Variants in TNS1 observed in about 807,000 individuals in gnomAD.
TNS1 encodes tensin 1, also known as tensin-1.
TNS1 carries 62 observed loss-of-function variants against 168.6 expected under a neutral mutation model. The observed-to-expected ratio is 0.37, with a 90% CI of 0.30 to 0.45. The LOEUF is 0.45. Ranked by LOEUF, TNS1 falls within the 20% of genes least tolerant of loss-of-function variation. The pLI is 1.00. For missense variants in TNS1, 2,240 were observed against 2,339.4 expected (o/e 0.96, Z 0.88); for synonymous variants, 934 against 933.2 (o/e 1.00, Z -0.02).
upstream of TNS1, among the ~76,000 whole-genome samples, chr2:218,014,870 C>A (rs9678338): frequency 7.9e-3 from 774 of 98,002 alleles, 13 homozygotes; most frequent in African/African-American, 0.018. Flanking sequence ...GAAGGAAGGA[C>A]GGAAGGAAGG....
intron 23 of TNS1, among the ~76,000 whole-genome samples, chr2:217,819,980 C>G (rs1442224373): frequency 1.3e-5 from 2 of 152,144 alleles, no homozygotes; most frequent in Non-Finnish European, 2.9e-5. Flanking sequence ...TGGGGGTGTG[C>G]TCTTGGGCCA....
At chr2:217,845,014 G>A (rs963608361) in intron 19 of TNS1, among the ~76,000 whole-genome samples, 19 of 152,194 alleles carry the variant, frequency 1.2e-4, no homozygotes, top group African/African-American at 4.3e-4. Context: ...ATGCTCCACA[G>A]GAAAGTGTGA....
chr2:217,850,943 C>T (rs982042238), intron 18 of TNS1, among the ~76,000 whole-genome samples: 1 of 152,154 alleles, frequency 6.6e-6, no homozygotes, highest in East Asian at 1.9e-4. Context: ...TCCTCTCTAG[C>T]CATCGCCTCC....
intron 32 of TNS1, among the ~76,000 whole-genome samples, chr2:217,805,532 C>T (rs1938582303): frequency 1.5e-5 from 1 of 68,514 alleles, no homozygotes; most frequent in African/African-American, 5.2e-5. Context: ...ACACCACACA[C>T]ACCACACACA....
chr2:218,022,720 G>A (rs1315448606), intron 1 of TNS1, among the ~76,000 whole-genome samples: 1 of 151,680 alleles, frequency 6.6e-6, no homozygotes, highest in African/African-American at 2.4e-5. Flanking sequence ...GAAGCAACAT[G>A]GAGGCCATTC....
chr2:217,960,913 C>T (rs1435755639), intron 3 of TNS1, among the ~76,000 whole-genome samples: 2 of 152,178 alleles, frequency 1.3e-5, no homozygotes, highest in Non-Finnish European at 2.9e-5. Flanking sequence ...ACGAACCACT[C>T]TGAGCCTCAG....
Position 217,995,521 on chromosome 2 carries a change from T to TC in TNS1, c.34-4466dup, listed in dbSNP as rs1294046478. On this transcript the variant is annotated intron_variant, in intron 1 of 32. Transcript: ENST00000682258. The surrounding 1 kb of genome is among the most constrained non-coding windows in gnomAD (Gnocchi z 4.1). ...GGGGTGCCTGGTACCTACCCAGCCC[T>TC]CCCCCCGGGTTGTTCTGCAGGTACA... Among the ~76,000 whole-genome samples, 1 of 151,588 alleles carries TC rather than the reference T, an allele frequency of 6.6e-6. No homozygotes were observed. The highest frequency in any genetic ancestry group is 2.4e-5 in the African/African-American group (1 of 41,232).
In TNS1 at chr2:218,002,863, T is replaced by A. The variant is rs886107675; in HGVS notation, c.10A>T (p.Ile4Phe). MTW[I>F]CLSCMLWPED... ...ACCCAGAGCATGCAGGACAGACAGA[T>A]CCACGTCATCTTTGCTGGGTCCCGT... Residue 4 changes from isoleucine (I) to phenylalanine (F), a missense_variant, in exon 1 of 33, where the codon ATC (isoleucine) becomes TTC (phenylalanine). This residue lies in a region of TNS1 where 2,131 missense variants were observed against 2,171.2 expected (regional missense o/e 0.98). Coordinates refer to ENST00000682258, the MANE Select transcript of TNS1 (RefSeq NM_001387777.1). 3 of 456,678 alleles carry A rather than the reference T, an allele frequency of 6.6e-6. No individual in the cohort carries two copies. The highest frequency in any genetic ancestry group is 2.4e-5 in the Admixed American group (1 of 42,552). 28.3% of individuals were successfully genotyped at this position (456,678 alleles called of 1,614,324 possible).
chr2:217,934,441 G>A (rs1956494280), intron 3 of TNS1, among the ~76,000 whole-genome samples: 1 of 152,166 alleles, frequency 6.6e-6, no homozygotes, highest in South Asian at 2.1e-4. Flanking sequence ...TGCAGTCTAG[G>A]AGCCACCTAC....
In TNS1 at chr2:217,893,473, G is replaced by C. The variant is rs747446380; in HGVS notation, c.683C>G (p.Ala228Gly). The part of the protein sequence containing the change: ...ICKAMDTWLN[A>G]DPHNVVVLHN... ...TAGAACAACGACATTGTGAGGGTCT[G>C]CATTGAGCCATGTGTCCATGGCCTT... Residue 228 changes from alanine (A) to glycine (G), a missense_variant, in exon 10 of 33, where the codon GCA becomes GGA. Physicochemically the swap from Ala to Gly is moderately conservative, Grantham distance 60. Around this residue, in one of 2 missense-constraint regions of TNS1, gnomAD observed 2,131 missense variants for 2,171.2 expected, o/e 0.98. Coordinates refer to ENST00000682258, the MANE Select transcript of TNS1 (RefSeq NM_001387777.1). 4 of 1,612,548 alleles carry C rather than the reference G, an allele frequency of 2.5e-6. No homozygotes were observed. The South Asian group carries it at 4.4e-5, about 18-fold the overall frequency.
rs1205411606 is a variant in TNS1 at position 217,831,464 on chromosome 2, G to T, written c.3364C>A (p.Pro1122Thr). Residue 1122 changes from proline to threonine, a missense_variant, in exon 22 of 33, where the codon CCC becomes ACC. Physicochemically the swap from Pro to Thr is conservative, Grantham distance 38 (BLOSUM62 -1). Transcript: ENST00000682258. ...PHNPADILLH[P>T]TGEPRSYVES... Reference sequence around the variant, plus strand: ...CCTCTTCCCAACTCACCTCCTGTGGGGTGCAACAGGATGTCCGCTGGGTTG... The same window carrying T: ...CCTCTTCCCAACTCACCTCCTGTGGTGTGCAACAGGATGTCCGCTGGGTTG... The T allele has an allele frequency of 5.0e-6, 8 of 1,585,826 alleles. No homozygotes were observed. The highest frequency in any genetic ancestry group is 6.0e-6 in the Non-Finnish European group (7 of 1,166,418).
At chr2:217,915,082 AT>A in intron 4 of TNS1, among the ~76,000 whole-genome samples, 1 of 151,966 alleles carries the variant, frequency 6.6e-6, no homozygotes, top group East Asian at 1.9e-4. Flanking sequence ...AAAATCAGCC[AT>A]TTTTTCAGGA....
chr2:217,865,148 G>C (rs942024447), intron 18 of TNS1, among the ~76,000 whole-genome samples: 5 of 152,144 alleles, frequency 3.3e-5, no homozygotes, highest in Non-Finnish European at 5.9e-5. Flanking sequence ...GAGTCAAGGG[G>C]TCCCTGTGGC....
At chr2:217,984,409 A>C (rs1017195280) in intron 2 of TNS1, among the ~76,000 whole-genome samples, 2 of 151,938 alleles carry the variant, frequency 1.3e-5, no homozygotes, top group Admixed American at 1.3e-4. Flanking sequence ...ATTTCTTAAA[A>C]TATTATGAGT....
rs1000151220 is a variant in TNS1, at chr2:217,842,180, C to A, written c.3007+5330G>T. On this transcript the variant is annotated intron_variant, in intron 19 of 32. Transcript: ENST00000682258. ...ACCTCTCCTTACCTGTCCTCAACCCCTCGGTGACATTGCCCAGTGCTATGC... is the reference window on the plus strand; with the variant it reads ...ACCTCTCCTTACCTGTCCTCAACCCATCGGTGACATTGCCCAGTGCTATGC... 18 of 700,688 alleles carry A rather than the reference C, an allele frequency of 2.6e-5. No homozygotes were observed. In the Admixed American group the frequency reaches 3.2e-4, roughly 13 times the overall value. 43.4% of individuals were successfully genotyped at this position (700,688 alleles called of 1,614,324 possible).
chr2:217,909,571 C>A (rs369408526), intron 4 of TNS1, among the ~76,000 whole-genome samples: 1 of 147,194 alleles, frequency 6.8e-6, no homozygotes, highest in Non-Finnish European at 1.5e-5. Context: ...GCCTGGGTGC[C>A]CACACACACA....
At chr2:217,808,530 C>A in intron 31 of TNS1, 73 bp downstream of exon 31, 1 of 1,367,260 alleles carries the variant, frequency 7.3e-7, no homozygotes, top group Non-Finnish European at 1.0e-6. Context: ...CACACACATG[C>A]ACATGCATGC....
chr2:217,987,754 G>A (rs1575161906), intron 2 of TNS1, among the ~76,000 whole-genome samples: 2 of 152,218 alleles, frequency 1.3e-5, no homozygotes, highest in Non-Finnish European at 2.9e-5. Flanking sequence ...CTTGAAGGCT[G>A]GGAGCAGAGT....
At chr2:217,895,107 G>T in intron 8 of TNS1, 51 bp from the exon 9 acceptor site, 1 of 1,546,812 alleles carries the variant, frequency 6.5e-7, no homozygotes, top group Non-Finnish European at 8.8e-7. Context: ...TGAGGAGGGC[G>T]GCGAGGAGAG....
Sources: allele counts gnomAD v4.1 joint callset (sites outside exome capture counted in the v4.1 genomes callset), GRCh38; gene constraint gnomAD v4.1.1; regional missense constraint gnomAD v4.1.1; non-coding constraint Gnocchi (gnomAD v3.1); transcripts MANE v1.5; gene names NCBI Gene and HGNC (gene_info 2026-07-23, HGNC 2026-07-21).